The following CCDC7 variants were observed in gnomAD, a reference collection of about 807,000 sequenced individuals.
The protein encoded by CCDC7 is coiled-coil domain containing 7.
CCDC7 carries 183 observed loss-of-function variants against 196.9 expected under a neutral mutation model. The observed-to-expected ratio is 0.93, with a 90% CI of 0.82 to 1.05. The LOEUF (loss-of-function observed/expected upper bound fraction) is 1.05. CCDC7 is among the 50% of genes least tolerant of loss of function. The probability of loss-of-function intolerance (pLI) is 0.00; values close to 1 mark genes in which losing one functional copy is unlikely to be tolerated. For missense variants in CCDC7, 1,540 were observed against 1,482.2 expected (o/e 1.04, Z -0.64); for synonymous variants, 525 against 484.6 (o/e 1.08, Z -1.10).
rs778384413 is a variant in CCDC7 at position 32,726,796 on chromosome 10, A to T, written c.2632A>T (p.Lys878Ter). 1 of 1,601,908 alleles carries T rather than the reference A, an allele frequency of 6.2e-7. No homozygotes were observed. Among genetic ancestry groups the T allele is most frequent in the Non-Finnish European group, 8.5e-7 (1 of 1,171,550 alleles). ...AGTGTCAAAACTCCAAATGCAAGAA[A>T]AGAAAAAAATAACTCCTGGAAGGGA... is the stretch of plus-strand genomic sequence containing the variant. The change falls in exon 26 of 42, where the codon AAG becomes TAG. Residue 878 changes from lysine to a stop codon, truncating the protein, a stop_gained. Coordinates refer to ENST00000639629, the Ensembl canonical transcript of CCDC7. LOFTEE classifies it high-confidence loss of function.
At chr10:32,666,764 T>G (rs887605602) in intron 21 of CCDC7, among the ~76,000 whole-genome samples, 2 of 151,932 alleles carry the variant, frequency 1.3e-5, no homozygotes, top group African/African-American at 2.4e-5. Flanking sequence ...TTTTCTTAAT[T>G]CAGTCTATCA....
At chr10:32,461,636 A>G (rs2035636442) in intron 3 of CCDC7, among the ~76,000 whole-genome samples, 1 of 149,592 alleles carries the variant, frequency 6.7e-6, no homozygotes, top group African/African-American at 2.5e-5. Context: ...TTGCTGCTGT[A>G]TGAAAAAAAT....
At chr10:32,636,097 A>G (rs1260446923) in intron 20 of CCDC7, among the ~76,000 whole-genome samples, 1 of 152,204 alleles carries the variant, frequency 6.6e-6, no homozygotes, top group Non-Finnish European at 1.5e-5. Context: ...GGTCTCTACT[A>G]ATAGTTTATT....
exon 20 of CCDC7, chr10:32,635,088 C>T (rs1208655721): frequency 5.0e-6 from 2 of 398,642 alleles, no homozygotes; most frequent in Non-Finnish European, 8.9e-6. Flanking sequence ...TGCCTGAGGA[C>T]ATGGTTTTAG....
chr10:32,757,582 C>A (rs1482120665), intron 28 of CCDC7, among the ~76,000 whole-genome samples: 1 of 152,224 alleles, frequency 6.6e-6, no homozygotes, highest in Non-Finnish European at 1.5e-5. Context: ...ATACCAGAAT[C>A]TGTGGGACAC....
At chr10:32,840,766 C>T (rs11511120) in intron 33 of CCDC7, among the ~76,000 whole-genome samples, 52,254 of 151,782 alleles carry the variant, frequency 0.34, 11,343 homozygotes, top group Non-Finnish European at 0.49. Context: ...AAAATACTAC[C>T]AAACCAAATC....
At chr10:32,763,208 TA>T (rs146333830) in intron 28 of CCDC7, among the ~76,000 whole-genome samples, 171 of 151,972 alleles carry the variant, frequency 1.1e-3, no homozygotes, top group African/African-American at 4.0e-3. Context: ...GCAAAGAACC[TA>T]AATAGACATT....
rs538254202 is a variant in CCDC7 at position 32,781,887 on chromosome 10, G to A, written c.3013+2803G>A. Among the ~76,000 whole-genome samples, 9 of 152,232 alleles carry A rather than the reference G, an allele frequency of 5.9e-5. No homozygotes were observed. The South Asian group carries it at 1.9e-3, about 32-fold the overall frequency. On this transcript the variant is annotated intron_variant, in intron 29 of 41. Transcript: ENST00000639629. ...GAAATAAAATTATCTGCCAAGAGGT[G>A]ACATTATCTTATATGAAGAAAACCC...
intron 28 of CCDC7, among the ~76,000 whole-genome samples, chr10:32,773,500 G>C (rs990408327): frequency 4.7e-4 from 71 of 151,346 alleles, no homozygotes; most frequent in Non-Finnish European, 1.0e-4. Context: ...TCTTTATTTT[G>C]AGAGTTTCTC....
rs2092474812 is a variant in CCDC7 at position 32,834,799 on chromosome 10, T to G, written c.3269-16T>G. 8.1e-7 allele frequency: 1 copy of G among 1,240,568 alleles called. No individual in the cohort carries two copies. The highest frequency in any genetic ancestry group is 1.2e-6 in the Non-Finnish European group (1 of 853,746). The allele number at this position is 1,240,568 out of a possible 1,614,324, so 76.8% of individuals were successfully genotyped here. A position where few individuals can be genotyped will look rare whatever the true frequency, so the allele number is the denominator to read the frequency against. On this transcript the variant is annotated splice_polypyrimidine_tract_variant and intron_variant, in intron 32 of 41. Transcript: ENST00000639629. Reference sequence around the variant, plus strand: ...TACCTTTCAAAGCGTTTTGAAAACCTGTTTTATTTTTATAGAGACTGTCTT... The same window carrying G: ...TACCTTTCAAAGCGTTTTGAAAACCGGTTTTATTTTTATAGAGACTGTCTT...
intron 24 of CCDC7, among the ~76,000 whole-genome samples, chr10:32,709,359 T>C (rs141636930): frequency 6.7e-6 from 1 of 148,928 alleles, no homozygotes; most frequent in Admixed American, 6.7e-5. Context: ...TTAAGAGATA[T>C]ACCTAATGTA....
At chr10:32,485,718 A>G (rs1051499805) in intron 8 of CCDC7, among the ~76,000 whole-genome samples, 7 of 152,190 alleles carry the variant, frequency 4.6e-5, no homozygotes, top group African/African-American at 1.7e-4. Flanking sequence ...GTTGGTTTCA[A>G]AGAACATCTT....
intron 21 of CCDC7, among the ~76,000 whole-genome samples, chr10:32,670,000 A>G (rs2073733840): frequency 6.6e-6 from 1 of 152,106 alleles, no homozygotes; most frequent in African/African-American, 2.4e-5. Context: ...GAATTGGATG[A>G]TCAAATGTCT....
intron 18 of CCDC7, among the ~76,000 whole-genome samples, chr10:32,608,507 A>G (rs1047247215): frequency 2.0e-5 from 3 of 151,308 alleles, no homozygotes; most frequent in Non-Finnish European, 3.0e-5. Context: ...TTCAATTTCT[A>G]TTGTTTTATG....
intron 18 of CCDC7, among the ~76,000 whole-genome samples, chr10:32,615,296 C>A (rs2062655937): frequency 6.6e-6 from 1 of 152,168 alleles, no homozygotes; most frequent in South Asian, 2.1e-4. Context: ...TTCCCACCAA[C>A]AGTGTATAGT....
At chr10:32,543,115 G>A (rs12220672) in intron 11 of CCDC7, among the ~76,000 whole-genome samples, 185 bp from the exon 13 acceptor site, 13,421 of 152,140 alleles carry the variant, frequency 0.088, 860 homozygotes, top group East Asian at 0.33. Context: ...CTTACACCAC[G>A]TAAAGCACTA....
chr10:32,762,817 A>G (rs2077664514), intron 28 of CCDC7, among the ~76,000 whole-genome samples: 1 of 151,916 alleles, frequency 6.6e-6, no homozygotes, highest in African/African-American at 2.4e-5. Context: ...CAAACGCAAA[A>G]TAATGAAACT....
At chr10:32,855,182 C>T (rs182026981) in intron 41 of CCDC7, among the ~76,000 whole-genome samples, 1 of 148,976 alleles carries the variant, frequency 6.7e-6, no homozygotes, top group Non-Finnish European at 1.5e-5. Context: ...ATCCCAAATA[C>T]TTTTTTTACA....
chr10:32,814,601 C>G (rs1279583307), intron 31 of CCDC7, 148 bp downstream of exon 32: 4 of 566,900 alleles, frequency 7.1e-6, no homozygotes, highest in Non-Finnish European at 1.2e-5. Context: ...AATATTTCAA[C>G]TCTAGTTTCA....
Sources: allele counts gnomAD v4.1 joint callset (sites outside exome capture counted in the v4.1 genomes callset), GRCh38; gene constraint gnomAD v4.1.1; transcripts MANE v1.5; gene names NCBI Gene and HGNC (gene_info 2026-07-23, HGNC 2026-07-21).